C5orf46: variants seen among roughly 807,000 people sequenced by gnomAD.
The protein encoded by C5orf46 is chromosome 5 open reading frame 46.
In C5orf46, 9 loss-of-function variants were observed where a neutral mutation model predicts 8.9. The ratio of observed to expected loss-of-function variants is 1.01; its 90% confidence interval spans 0.61 to 1.76. The LOEUF is 1.76. C5orf46 is among the 40% of genes most tolerant of loss of function. The probability of loss-of-function intolerance (pLI) is 0.00; values close to 1 mark genes in which losing one functional copy is unlikely to be tolerated. For missense variants in C5orf46, 98 were observed against 107.8 expected (o/e 0.91, Z 0.40); for synonymous variants, 47 against 41.4 (o/e 1.14, Z -0.52).
At chr5:147,887,450 A>G (rs1342222092) in intron 2 of C5orf46, 1 of 152,150 alleles carries the variant, frequency 6.6e-6, no homozygotes, top group Admixed American at 6.6e-5. Context: ...TCATTATCAA[A>G]TGAGAACTTG....
At chr5:147,894,770 G>A (rs1219285540) in intron 3 of C5orf46, among the ~76,000 whole-genome samples, 1 of 148,924 alleles carries the variant, frequency 6.7e-6, no homozygotes, top group Admixed American at 6.7e-5. Context: ...AAAAAAAAAA[G>A]GGAGGGATCG....
At chr5:147,893,881 G>T (rs1172971267) in intron 3 of C5orf46, among the ~76,000 whole-genome samples, 1 of 151,746 alleles carries the variant, frequency 6.6e-6, no homozygotes, top group Non-Finnish European at 1.5e-5. Context: ...AAGCAGAAAA[G>T]AGGAATCTGA....
intron 2 of C5orf46, among the ~76,000 whole-genome samples, 185 bp from the exon 3 acceptor site, chr5:147,897,226 C>CT (rs1162146321): frequency 1.3e-5 from 2 of 152,114 alleles, no homozygotes; most frequent in African/African-American, 4.8e-5. Flanking sequence ...GCATAATTAT[C>CT]TTTTTTGCAT....
At chr5:147,898,077 T>A (rs1757611336) in intron 2 of C5orf46, among the ~76,000 whole-genome samples, 1 of 152,116 alleles carries the variant, frequency 6.6e-6, no homozygotes, top group South Asian at 2.1e-4. Context: ...TGACCAAATT[T>A]AAATTTTTTT....
intron 1 of C5orf46, among the ~76,000 whole-genome samples, chr5:147,904,820 A>G (rs1434497396): frequency 6.7e-6 from 1 of 149,334 alleles, no homozygotes; most frequent in African/African-American, 2.5e-5. Context: ...TATTTTATAT[A>G]TTATATATCT....
At chr5:147,896,941 A>T (rs1198473519) in intron 3 of C5orf46, 43 bp downstream of exon 3, 1 of 1,039,052 alleles carries the variant, frequency 9.6e-7, no homozygotes, top group Non-Finnish European at 1.4e-6. Context: ...TCCTTTGTCC[A>T]ATACACTGTT....
chr5:147,895,877 C>T (rs1181160478), intron 3 of C5orf46, among the ~76,000 whole-genome samples: 1 of 152,098 alleles, frequency 6.6e-6, no homozygotes, highest in Non-Finnish European at 1.5e-5. Context: ...TGATTCTCAT[C>T]CTTAGAAGCA....
intron 1 of C5orf46, among the ~76,000 whole-genome samples, chr5:147,905,678 G>A (rs922353713): frequency 7.9e-5 from 12 of 152,106 alleles, no homozygotes; most frequent in Admixed American, 7.2e-4. Flanking sequence ...TATGTGCTTG[G>A]AAAAGGTGGG....
chr5:147,888,551 T>C (rs914002214), downstream of C5orf46, among the ~76,000 whole-genome samples: 8 of 152,182 alleles, frequency 5.3e-5, no homozygotes, highest in African/African-American at 1.9e-4. Context: ...TATAAATGCC[T>C]CTTCTCCTTC....
intron 2 of C5orf46, among the ~76,000 whole-genome samples, chr5:147,897,371 T>C (rs1013602358): frequency 2.6e-5 from 4 of 152,208 alleles, no homozygotes; most frequent in African/African-American, 9.6e-5. Context: ...TTAATAAATA[T>C]TTGTTGAATG....
At chr5:147,893,316 C>T (rs1263318707) in intron 3 of C5orf46, among the ~76,000 whole-genome samples, 2 of 146,422 alleles carry the variant, frequency 1.4e-5, no homozygotes, top group African/African-American at 2.5e-5. Context: ...CAGAGTCCCT[C>T]TCTGTTGCCC....
rs548896910 is a variant in C5orf46 at position 147,905,533 on chromosome 5, T to C, written c.70+899A>G. Among the ~76,000 whole-genome samples, 64 of 152,332 alleles carry C rather than the reference T, an allele frequency of 4.2e-4. 1 individual carries two copies. Among genetic ancestry groups the C allele is most frequent in the African/African-American group, 1.2e-3 (51 of 41,584 alleles). On this transcript the variant is annotated intron_variant, in intron 1 of 3. Transcript: ENST00000318315. ...CTGTCTGTGTGTTCTTCAGCCAAGT[T>C]ACATTCAAAGGATTCTGTCACTAAA...
chr5:147,903,468 T>C (rs765360046), intron 1 of C5orf46, among the ~76,000 whole-genome samples: 2 of 152,210 alleles, frequency 1.3e-5, no homozygotes, highest in Non-Finnish European at 2.9e-5. Flanking sequence ...CTAGACAATG[T>C]ACCCCTGACT....
rs115395632 is a variant in C5orf46, at chr5:147,906,490, T to G, written c.12A>C (p.Ser4=). MAV[S]VLRLTVVLGL... is the part of the protein sequence containing the mutation. ...CCAGGACAACTGTCAGGCGAAGTAC[T>G]GAGACAGCCATTCTGGTAGCACGGG... Residue 4 remains serine, a synonymous_variant, in exon 1 of 4, where the codon TCA becomes TCC. Coordinates refer to ENST00000318315, the MANE Select transcript of C5orf46 (RefSeq NM_206966.3). 3.2e-3 allele frequency: 5,109 copies of G among 1,611,228 alleles called. 165 individuals carry two copies. In the African/African-American group the frequency reaches 0.061, roughly 19 times the overall value.
At chr5:147,899,891 G>A (rs1206623250) in intron 2 of C5orf46, among the ~76,000 whole-genome samples, 1 of 152,158 alleles carries the variant, frequency 6.6e-6, no homozygotes, top group Non-Finnish European at 1.5e-5. Flanking sequence ...CAGAAAGAAG[G>A]TCATTTACTC....
chr5:147,902,460 AAAAT>A (rs1757685523), intron 1 of C5orf46, among the ~76,000 whole-genome samples: 1 of 152,188 alleles, frequency 6.6e-6, no homozygotes, highest in Non-Finnish European at 1.5e-5. Flanking sequence ...TCTGAGAAAT[AAAAT>A]AAATAAATAA....
chr5:147,887,361 TC>T (rs919450868), intron 2 of C5orf46: 6 of 152,130 alleles, frequency 3.9e-5, no homozygotes, highest in African/African-American at 1.2e-4. Flanking sequence ...TACCTGATGC[TC>T]CCCCTTTCTA....
intron 3 of C5orf46, 80 bp downstream of exon 3, chr5:147,896,904 A>G (rs1757589047): frequency 3.4e-6 from 2 of 596,134 alleles, no homozygotes; most frequent in Non-Finnish European, 5.5e-6. Flanking sequence ...AACCAAAATT[A>G]TTAAATAAAA....
chr5:147,891,144 T>C (rs572495298), downstream of C5orf46, among the ~76,000 whole-genome samples: 8 of 152,170 alleles, frequency 5.3e-5, no homozygotes, highest in Non-Finnish European at 1.0e-4. Flanking sequence ...ATCTTAGGCA[T>C]GATACCAATC....
Sources: allele counts gnomAD v4.1 joint callset (sites outside exome capture counted in the v4.1 genomes callset), GRCh38; gene constraint gnomAD v4.1.1; transcripts MANE v1.5; gene names NCBI Gene and HGNC (gene_info 2026-07-23, HGNC 2026-07-21).